SEC24A: variants seen among roughly 807,000 people sequenced by gnomAD.
SEC24A encodes SEC24 homolog A, COPII component.
A neutral mutation model predicts 129.4 loss-of-function variants in SEC24A; 93 were observed. That is an observed-to-expected ratio of 0.72 (90% confidence interval 0.61 to 0.85). The LOEUF (loss-of-function observed/expected upper bound fraction) is 0.85. Ranked by LOEUF, SEC24A falls within the 40% of genes least tolerant of loss-of-function variation. SEC24A has a pLI of 0.00. For missense variants in SEC24A, 1,264 were observed against 1,307.4 expected, an observed-to-expected ratio of 0.97 and a Z score of 0.51; for synonymous variants, 460 against 467.3, an observed-to-expected ratio of 0.98 and a Z score of 0.20.
rs1439003986 is a variant in SEC24A at position 134,649,132 on chromosome 5, A to G, written c.56A>G (p.Gln19Arg). Residue 19 changes from glutamine (Q) to arginine (R), a missense_variant, in exon 1 of 23, where the codon CAG becomes CGG. Coordinates refer to ENST00000398844, the MANE Select transcript of SEC24A (RefSeq NM_021982.3). ...GGCGCCCCAGCCAGCCTCCAGGCCC[A>G]GAACGGAGCCGCCTTGGCCTCGGGG... ...SGGAPASLQA[Q>R]NGAALASGSP... 6.2e-7 allele frequency: 1 copy of G among 1,610,234 alleles called. No homozygotes were observed. The highest frequency in any genetic ancestry group is 1.7e-4 in the Middle Eastern group (1 of 6,044).
chr5:134,708,053 T>C (rs1383890839), intron 17 of SEC24A, among the ~76,000 whole-genome samples: 1 of 152,068 alleles, frequency 6.6e-6, no homozygotes, highest in Non-Finnish European at 1.5e-5. Context: ...TGCTTGAACC[T>C]GGGAGGCGGA....
intron 14 of SEC24A, among the ~76,000 whole-genome samples, chr5:134,697,529 A>G (rs1307133657): frequency 6.6e-6 from 1 of 152,172 alleles, no homozygotes; most frequent in African/African-American, 2.4e-5. Context: ...GCTTGAGCCC[A>G]GGAGTTTGAG....
intron 19 of SEC24A, among the ~76,000 whole-genome samples, chr5:134,717,343 T>C (rs905954833): frequency 1.3e-5 from 2 of 151,342 alleles, no homozygotes; most frequent in African/African-American, 4.9e-5. Context: ...CCTTCTCTAC[T>C]AAAAATACAA....
At chr5:134,680,648 G>C (rs1751234243) in intron 8 of SEC24A, among the ~76,000 whole-genome samples, 1 of 151,290 alleles carries the variant, frequency 6.6e-6, no homozygotes. Context: ...GTTTGTTTTT[G>C]TTTGTTTGTT....
chr5:134,693,997 C>A, intron 13 of SEC24A, 64 bp downstream of exon 13: 1 of 1,339,730 alleles, frequency 7.5e-7, no homozygotes. Context: ...GACCATAGAA[C>A]TTGTTTTTTC....
chr5:134,663,211 G>A (rs546153310), intron 2 of SEC24A, among the ~76,000 whole-genome samples: 26 of 152,148 alleles, frequency 1.7e-4, no homozygotes, highest in East Asian at 3.9e-4. Context: ...CTGAGTAGGC[G>A]TGCCACAGTG....
In SEC24A at chr5:134,661,474, T is replaced by C; in HGVS notation, c.453T>C (p.His151=). 2 of 1,614,158 alleles carry C rather than the reference T, an allele frequency of 1.2e-6. No individual in the cohort carries two copies. The highest frequency in any genetic ancestry group is 1.7e-6 in the Non-Finnish European group (2 of 1,180,014). ...CATCCACAGCCTCACAAACAAACCA[T>C]TGTCCTCGTGCATCATCCCAACCAA... The part of the protein sequence containing the change: ...NYPSTASQTN[H]CPRASSQPTV... The change falls in exon 2 of 23, where the codon CAT becomes CAC. Residue 151 remains histidine (H), a synonymous_variant. Transcript: ENST00000398844.
At chr5:134,688,671 A>ATTTG (rs746267055) in intron 11 of SEC24A, among the ~76,000 whole-genome samples, 79 of 151,342 alleles carry the variant, frequency 5.2e-4, no homozygotes, top group African/African-American at 1.9e-3. Flanking sequence ...AATTGATTTT[A>ATTTG]TTTATTTATT....
Position 134,709,219 on chromosome 5 carries a change from CAAAA to C in SEC24A, c.2727+333_2727+336del, listed in dbSNP as rs150225547. Among the ~76,000 whole-genome samples the C allele has an allele frequency of 6.8e-3, 1,040 of 151,870 alleles. 9 individuals carry two copies. Among genetic ancestry groups the C allele is most frequent in the African/African-American group, 0.024 (980 of 41,434 alleles). On this transcript the variant is annotated intron_variant, in intron 18 of 22. Transcript: ENST00000398844. Reference sequence around the variant, plus strand: ...GAGCCAGACTCTGTCTCAAAATAAACAAAAAGAAAGAAACGAACACGATGGAAAC... The same window carrying C: ...GAGCCAGACTCTGTCTCAAAATAAACAGAAAGAAACGAACACGATGGAAAC...
chr5:134,657,053 G>C (rs1450493231), intron 1 of SEC24A, among the ~76,000 whole-genome samples: 1 of 151,708 alleles, frequency 6.6e-6, no homozygotes, highest in Middle Eastern at 3.2e-3. Context: ...AGGCATAATG[G>C]TGCACGCCTG....
chr5:134,705,088 ATATTTT>A (rs1239632545), intron 16 of SEC24A, among the ~76,000 whole-genome samples: 6 of 129,304 alleles, frequency 4.6e-5, no homozygotes, highest in African/African-American at 1.8e-4. Flanking sequence ...ATATATATAT[ATATTTT>A]TTTTTTTTTA....
intron 18 of SEC24A, among the ~76,000 whole-genome samples, chr5:134,711,499 T>C (rs936011974): frequency 2.0e-5 from 3 of 150,182 alleles, no homozygotes; most frequent in African/African-American, 7.3e-5. Flanking sequence ...CTGGACAACA[T>C]AGTGAGATTC....
intron 9 of SEC24A, among the ~76,000 whole-genome samples, chr5:134,685,135 C>T (rs970118635): frequency 1.3e-5 from 2 of 151,634 alleles, no homozygotes; most frequent in Non-Finnish European, 2.9e-5. Context: ...TTTGGGAAGC[C>T]GATGCAGGAG....
chr5:134,661,143 C>G lies in SEC24A; in HGVS notation c.122C>G (p.Ser41Cys). 1 of 1,610,720 alleles carries G rather than the reference C, an allele frequency of 6.2e-7. No individual in the cohort carries two copies. Among genetic ancestry groups the G allele is most frequent in the Non-Finnish European group, 8.5e-7 (1 of 1,178,364 alleles). Residue 41 changes from serine (S) to cysteine (C), a missense_variant, in exon 2 of 23, where the codon TCT becomes TGT. Ser to Cys is a moderately radical substitution (Grantham distance 112). Transcript: ENST00000398844. The stretch of plus-strand genomic sequence containing the variant: ...GGTCCTGTCCAAAATGCATTGCTGT[C>G]TTCACAAGAGTCAGTGAGCCAAGGA... Reference protein sequence around the residue: ...TNGPVQNALLSSQESVSQGYN... With the variant: ...TNGPVQNALLCSQESVSQGYN...
chr5:134,688,728 G>A (rs1270910443), intron 11 of SEC24A, among the ~76,000 whole-genome samples: 3 of 151,906 alleles, frequency 2.0e-5, no homozygotes, highest in Non-Finnish European at 4.4e-5. Context: ...CGCCCAGGCT[G>A]TAGTGCAGTG....
chr5:134,686,834 G>A lies in SEC24A; in HGVS notation c.1536G>A (p.Val512=), dbSNP rs770414094. ...QPPVYLFVFD[V]SHNAVETGYL... ...CAGTGTATCTCTTTGTATTTGATGT[G>A]TCTCACAATGCAGTCGAAACTGGAT... Residue 512 remains valine, a synonymous_variant, in exon 10 of 23, where the codon GTG becomes GTA. Transcript: ENST00000398844. 24 of 1,610,116 alleles carry A rather than the reference G, an allele frequency of 1.5e-5. No homozygotes were observed. The highest frequency in any genetic ancestry group is 1.9e-5 in the Non-Finnish European group (22 of 1,178,380).
chr5:134,704,028 T>C (rs1752081306), intron 16 of SEC24A, 96 bp downstream of exon 16: 2 of 662,424 alleles, frequency 3.0e-6, no homozygotes, highest in East Asian at 2.7e-5. Context: ...GCATATCTTA[T>C]GTGTGCTAAC....
At chr5:134,695,054 C>T (rs1751776988) in intron 13 of SEC24A, among the ~76,000 whole-genome samples, 1 of 151,914 alleles carries the variant, frequency 6.6e-6, no homozygotes, top group African/African-American at 2.4e-5. Flanking sequence ...TTTCTTTGCC[C>T]CTTTGTTTCT....
intron 3 of SEC24A, among the ~76,000 whole-genome samples, chr5:134,671,109 AT>A (rs1391326090): frequency 1.3e-5 from 2 of 151,860 alleles, no homozygotes; most frequent in Non-Finnish European, 2.9e-5. Context: ...CAGTGGCACG[AT>A]TTTGGCTCAC....
Sources: allele counts gnomAD v4.1 joint callset (sites outside exome capture counted in the v4.1 genomes callset), GRCh38; gene constraint gnomAD v4.1.1; transcripts MANE v1.5; gene names NCBI Gene and HGNC (gene_info 2026-07-23, HGNC 2026-07-21).